The following CR1L variants were observed in gnomAD, a reference collection of about 807,000 sequenced individuals.
CR1L encodes complement component receptor 1-like protein.
CR1L carries 59 observed loss-of-function variants against 62.3 expected under a neutral mutation model. The observed-to-expected ratio is 0.95, with a 90% CI of 0.77 to 1.18. The LOEUF (loss-of-function observed/expected upper bound fraction) is 1.18. Among genes scored for constraint, CR1L ranks in the 50% most tolerant of loss-of-function variants. The probability of loss-of-function intolerance (pLI) is 0.00; values close to 1 mark genes in which losing one functional copy is unlikely to be tolerated. For synonymous variants in CR1L, 279 were observed against 248.7 expected, an observed-to-expected ratio of 1.12 and a Z score of -1.15; for missense variants, 700 against 702.8, an observed-to-expected ratio of 1.00 and a Z score of 0.04.
intron 11 of CR1L, among the ~76,000 whole-genome samples, chr1:207,720,307 T>C (rs1012319139): frequency 1.3e-5 from 2 of 152,068 alleles, no homozygotes; most frequent in Non-Finnish European, 2.9e-5. Flanking sequence ...CAAAGAAAAT[T>C]TCATGATCTT....
chr1:207,703,253 A>G (rs1288036843), intron 9 of CR1L, among the ~76,000 whole-genome samples: 2 of 152,220 alleles, frequency 1.3e-5, no homozygotes, highest in Non-Finnish European at 2.9e-5. Context: ...AGAGAGGAGA[A>G]GCCAATGCCT....
intron 10 of CR1L, chr1:207,710,563 C>G (rs554772512): frequency 6.2e-7 from 1 of 1,609,602 alleles, no homozygotes; most frequent in Non-Finnish European, 8.5e-7. Context: ...ATCAAGTGGT[C>G]GTCTGGAGCG....
chr1:207,673,991 G>A (rs1207932969), intron 1 of CR1L, among the ~76,000 whole-genome samples: 7 of 152,112 alleles, frequency 4.6e-5, no homozygotes, highest in Admixed American at 2.6e-4. Context: ...AGCAACAAAA[G>A]GAAACAATTT....
At chr1:207,708,972 GGC>G in intron 10 of CR1L, 1 of 351,262 alleles carries the variant, frequency 2.8e-6, no homozygotes, top group Non-Finnish European at 5.6e-6. Context: ...AGGGTGGTAT[GGC>G]TGTAGATCAG....
intron 10 of CR1L, among the ~76,000 whole-genome samples, chr1:207,709,894 A>G (rs1664326309): frequency 6.6e-6 from 1 of 152,122 alleles, no homozygotes; most frequent in African/African-American, 2.4e-5. Context: ...TAGCAAAGTA[A>G]TGTTAACTAC....
At chr1:207,693,161 C>T (rs920015274) in intron 4 of CR1L, among the ~76,000 whole-genome samples, 1 of 152,134 alleles carries the variant, frequency 6.6e-6, no homozygotes, top group Non-Finnish European at 1.5e-5. Context: ...TCTTGTTGCA[C>T]AACTGGAGTG....
At chr1:207,660,288 C>T (rs1663389808) in intron 1 of CR1L, among the ~76,000 whole-genome samples, 2 of 152,240 alleles carry the variant, frequency 1.3e-5, no homozygotes, top group Non-Finnish European at 2.9e-5. Flanking sequence ...ACAGACACCT[C>T]ACACAGGTGG....
chr1:207,652,460 T>C (rs77011375), intron 1 of CR1L: 38,886 of 780,414 alleles, frequency 0.05, 1,348 homozygotes, highest in South Asian at 0.11. Flanking sequence ...CTATTTTTTC[T>C]GTACTACCTG....
At chr1:207,720,299 A>G (rs1355386196) in intron 11 of CR1L, among the ~76,000 whole-genome samples, 2 of 152,180 alleles carry the variant, frequency 1.3e-5, no homozygotes, top group Admixed American at 1.3e-4. Flanking sequence ...AGAAGAGACA[A>G]AGAAAATTTC....
At chr1:207,687,386 A>T (rs2102464609) in intron 4 of CR1L, among the ~76,000 whole-genome samples, 1 of 152,308 alleles carries the variant, frequency 6.6e-6, no homozygotes, top group East Asian at 1.9e-4. Flanking sequence ...TATATGTAGT[A>T]AAGTGCACAC....
intron 11 of CR1L, 108 bp from the exon 12 acceptor site, chr1:207,723,510 G>T: frequency 1.1e-6 from 1 of 907,402 alleles, no homozygotes; most frequent in Non-Finnish European, 1.7e-6. Context: ...AAAAATATTA[G>T]TCTGAGTCCT....
intron 9 of CR1L, among the ~76,000 whole-genome samples, chr1:207,703,631 A>G (rs1388452157): frequency 6.6e-6 from 1 of 152,236 alleles, no homozygotes; most frequent in Non-Finnish European, 1.5e-5. Flanking sequence ...TCTGCAGCCC[A>G]TGGCTGAGCA....
At chr1:207,688,738 CTTT>C (rs1663950816) in intron 4 of CR1L, among the ~76,000 whole-genome samples, 1 of 152,024 alleles carries the variant, frequency 6.6e-6, no homozygotes, top group Admixed American at 6.5e-5. Context: ...TTGAAGTCTT[CTTT>C]AATTTCTTTT....
In CR1L at chr1:207,710,420, T is replaced by G. The variant is rs1262228169; in HGVS notation, c.1414+2157T>G. The stretch of plus-strand genomic sequence containing the variant: ...GCTACCCCCCAACATCACCAATGGA[T>G]ATTTCATTAGCACCGACAGAGAGTA... On this transcript the variant is annotated intron_variant, in intron 10 of 11. Transcript: ENST00000508064. The G allele has an allele frequency of 8.9e-6, 14 of 1,564,522 alleles. No homozygotes were observed. In the East Asian group the frequency reaches 9.0e-5, roughly 10 times the overall value.
At chr1:207,680,941 G>C (rs1296038504) in intron 3 of CR1L, among the ~76,000 whole-genome samples, 1 of 152,128 alleles carries the variant, frequency 6.6e-6, no homozygotes, top group African/African-American at 2.4e-5. Context: ...GATACCTTAC[G>C]TCCTCCACTT....
chr1:207,717,632 C>T lies in CR1L; in HGVS notation c.1583C>T (p.Pro528Leu), dbSNP rs779074307. 2.5e-6 allele frequency: 4 copies of T among 1,613,878 alleles called. No homozygotes were observed. The highest frequency in any genetic ancestry group is 3.4e-6 in the Non-Finnish European group (4 of 1,179,902). ...GESTIRRTSEPHGNGVWSSPA... is the reference protein window; with the variant it reads ...GESTIRRTSELHGNGVWSSPA... ...AGCACCATCCGCCGCACAAGTGAAC[C>T]TCATGGGAATGGGGTTTGGAGCAGC... Residue 528 changes from proline to leucine, a missense_variant, in exon 11 of 12, where the codon CCT (proline) becomes CTT (leucine). By Grantham distance (98) the Pro-to-Leu change is moderately conservative. Coordinates refer to ENST00000508064, the MANE Select transcript of CR1L (RefSeq NM_175710.2).
chr1:207,710,742 G>A (rs1177336404), intron 10 of CR1L: 105 of 1,609,334 alleles, frequency 6.5e-5, no homozygotes, highest in Admixed American at 1.5e-4. Flanking sequence ...GCAATGCCAG[G>A]CCCTGAACAA....
At chr1:207,703,182 T>C (rs554835792) in intron 9 of CR1L, among the ~76,000 whole-genome samples, 30 of 152,300 alleles carry the variant, frequency 2.0e-4, no homozygotes, top group African/African-American at 7.2e-4. Flanking sequence ...GATGAAGGTG[T>C]TAAAATAAAT....
chr1:207,680,714 C>T (rs1334659313), intron 3 of CR1L, among the ~76,000 whole-genome samples: 1 of 152,160 alleles, frequency 6.6e-6, no homozygotes, highest in Admixed American at 6.5e-5. Context: ...CTGAGTCATG[C>T]AGCAGGCAGC....
Sources: gnomAD v4.1 joint callset for allele counts (sites outside exome capture counted in the v4.1 genomes callset) on GRCh38, gnomAD v4.1.1 for gene constraint, MANE v1.5 for transcripts, NCBI Gene and HGNC (gene_info 2026-07-23, HGNC 2026-07-21) for gene names.